Variants in ARFGEF2 observed in about 807,000 individuals in gnomAD.
The protein encoded by ARFGEF2 is ARF guanine nucleotide exchange factor 2.
Under a neutral mutation model 219.9 loss-of-function variants are expected in ARFGEF2, and 74 were observed. That is an observed-to-expected ratio of 0.34 (90% CI 0.28 to 0.41). ARFGEF2 has a LOEUF of 0.41. Among genes scored for constraint, ARFGEF2 ranks in the 10% least tolerant of loss-of-function variants. The probability of loss-of-function intolerance (pLI) is 1.00; values close to 1 mark genes in which losing one functional copy is unlikely to be tolerated. For synonymous variants in ARFGEF2, 733 were observed against 799.2 expected (o/e 0.92, Z 1.40); for missense variants, 1,743 against 2,218.3 (o/e 0.79, Z 4.30).
chr20:48,989,329 A>G lies in ARFGEF2; in HGVS notation c.2578A>G (p.Met860Val), dbSNP rs1166766265. 1.9e-6 allele frequency: 3 copies of G among 1,614,180 alleles called. No individual in the cohort carries two copies. The highest frequency in any genetic ancestry group is 2.2e-5 in the East Asian group (1 of 44,884). The change falls in exon 19 of 39, where the codon ATG becomes GTG. Residue 860 changes from methionine (M) to valine (V), a missense_variant. Transcript: ENST00000371917. Reference sequence around the variant, plus strand: ...GCGGCGGCTGCTGTACAACTTAGAGATGGAGCAAATGGCTAAAACAGCCAA... The same window carrying G: ...GCGGCGGCTGCTGTACAACTTAGAGGTGGAGCAAATGGCTAAAACAGCCAA... The part of the protein sequence containing the change: ...KQRRLLYNLE[M>V]EQMAKTAKAL...
chr20:48,969,335 C>T, intron 9 of ARFGEF2, 58 bp downstream of exon 9: 1 of 1,613,088 alleles, frequency 6.2e-7, no homozygotes, highest in Non-Finnish European at 8.5e-7. Context: ...GCACATGGTA[C>T]TGTGTTTCAC....
At chr20:48,988,070 G>T (rs960961842) in intron 16 of ARFGEF2, among the ~76,000 whole-genome samples, 4 of 152,190 alleles carry the variant, frequency 2.6e-5, no homozygotes, top group African/African-American at 9.7e-5. Flanking sequence ...TTACAGGCCT[G>T]AGCCACCACG....
chr20:48,989,463 A>T (rs1234104413), intron 19 of ARFGEF2, 27 bp downstream of exon 19: 1 of 1,614,120 alleles, frequency 6.2e-7, no homozygotes, highest in African/African-American at 1.3e-5. Flanking sequence ...CTTAGCAAGC[A>T]TGTGGCTAAG....
intron 4 of ARFGEF2, among the ~76,000 whole-genome samples, chr20:48,952,277 T>G (rs1216677932): frequency 1.3e-5 from 2 of 148,192 alleles, no homozygotes; most frequent in African/African-American, 5.0e-5. Context: ...TTCCTCATCC[T>G]CCCGAGTAGC....
intron 26 of ARFGEF2, among the ~76,000 whole-genome samples, chr20:49,005,868 C>T (rs1639106064): frequency 6.6e-6 from 1 of 152,056 alleles, no homozygotes; most frequent in Non-Finnish European, 1.5e-5. Flanking sequence ...TGACCCATCA[C>T]TTCTCCCCCA....
chr20:48,952,499 T>C (rs1472286743), intron 4 of ARFGEF2, among the ~76,000 whole-genome samples: 1 of 152,226 alleles, frequency 6.6e-6, no homozygotes, highest in Non-Finnish European at 1.5e-5. Context: ...TTCATAGAAC[T>C]GTTCATTGTT....
chr20:48,994,695 C>T (rs1488118552), intron 22 of ARFGEF2, 97 bp downstream of exon 22: 1 of 1,538,348 alleles, frequency 6.5e-7, no homozygotes, highest in Non-Finnish European at 8.8e-7. Context: ...TAAACCGTCT[C>T]TTCCTTTTGT....
Position 48,922,009 on chromosome 20 carries a change from C to T in ARFGEF2, c.120C>T (p.Leu40=), listed in dbSNP as rs1368417576. The T allele has an allele frequency of 1.9e-6, 3 of 1,577,206 alleles. No individual in the cohort carries two copies. The highest frequency in any genetic ancestry group is 3.7e-5 in the Admixed American group (2 of 54,728). ...SQLRRACQVA[L]DEIKAEIEKQ... Reference sequence around the variant, plus strand: ...TGCGCAGGGCCTGCCAGGTGGCGCTCGGTGGGTGAGCCGCTCCCGCCCTGC... The same window carrying T: ...TGCGCAGGGCCTGCCAGGTGGCGCTTGGTGGGTGAGCCGCTCCCGCCCTGC... The change falls in exon 1 of 39, where the codon CTC becomes CTT. Residue 40 remains leucine, a splice_region_variant and synonymous_variant. Coordinates refer to ENST00000371917, the MANE Select transcript of ARFGEF2 (RefSeq NM_006420.3).
rs975224677 is a variant in ARFGEF2, at chr20:48,994,489, G to C, written c.3012G>C (p.Leu1004=). Residue 1004 remains leucine, a synonymous_variant, in exon 22 of 39, where the codon CTG becomes CTC. Transcript: ENST00000371917. ...KCISQLELAQ[L]IGTGVKTRYL... ...TCAGCCAGCTGGAGCTCGCTCAGCT[G>C]ATAGGAACCGGTGTGAAGACGCGCT... 10 of 1,613,978 alleles carry C rather than the reference G, an allele frequency of 6.2e-6. No homozygotes were observed. The Admixed American group carries it at 6.7e-5, about 11-fold the overall frequency.
chr20:49,011,795 T>G (rs1391792253), intron 27 of ARFGEF2, 129 bp from the exon 28 acceptor site: 1 of 1,142,400 alleles, frequency 8.8e-7, no homozygotes, highest in East Asian at 2.3e-5. Context: ...ACTGACATGC[T>G]TTTCTTAGAT....
rs1334044282 is a variant in ARFGEF2 at position 48,928,781 on chromosome 20, A to C, written c.121+6771A>C. On this transcript the variant is annotated intron_variant, in intron 1 of 38. Coordinates refer to ENST00000371917, the MANE Select transcript of ARFGEF2 (RefSeq NM_006420.3). ...AGTGCTGGGATTACAGGCGTGAGCC[A>C]CTGCGCCCAGCCGGTGTTGCAGTCT... Among the ~76,000 whole-genome samples the C allele has an allele frequency of 2.0e-5, 3 of 152,264 alleles. No individual in the cohort carries two copies. The East Asian group carries it at 5.8e-4, about 29-fold the overall frequency.
At chr20:48,932,510 C>T (rs34984028) in intron 1 of ARFGEF2, among the ~76,000 whole-genome samples, 54,722 of 151,936 alleles carry the variant, frequency 0.36, 10,723 homozygotes, top group African/African-American at 0.53. Context: ...TAGGCGGAGA[C>T]AGGTGAAAAG....
At chr20:49,013,219 T>C (rs954403210) in intron 28 of ARFGEF2, among the ~76,000 whole-genome samples, 6 of 152,192 alleles carry the variant, frequency 3.9e-5, no homozygotes, top group African/African-American at 1.2e-4. Context: ...GACAGTAACA[T>C]TCCAGAAAGA....
chr20:48,982,124 C>A (rs8125219), intron 14 of ARFGEF2, among the ~76,000 whole-genome samples: 32,050 of 152,130 alleles, frequency 0.21, 3,524 homozygotes, highest in Non-Finnish European at 0.24. Flanking sequence ...GTGGTTTTAT[C>A]TATCTTTGGT....
chr20:49,017,670 A>T (rs2091539506), intron 33 of ARFGEF2, 120 bp downstream of exon 33: 10 of 941,950 alleles, frequency 1.1e-5, no homozygotes, highest in Non-Finnish European at 1.5e-5. Context: ...AAGATCTAAA[A>T]ATAGTATATA....
chr20:48,922,358 C>T (rs1429160660), intron 1 of ARFGEF2, among the ~76,000 whole-genome samples: 6 of 152,192 alleles, frequency 3.9e-5, no homozygotes, highest in African/African-American at 1.4e-4. Flanking sequence ...TACCTGAGCT[C>T]TGCTGATTGG....
intron 27 of ARFGEF2, among the ~76,000 whole-genome samples, chr20:49,011,618 T>A (rs1472406661): frequency 6.6e-6 from 1 of 152,196 alleles, no homozygotes; most frequent in Non-Finnish European, 1.5e-5. Context: ...CTATGGAAAT[T>A]TTTAGGCATC....
intron 6 of ARFGEF2, among the ~76,000 whole-genome samples, chr20:48,960,155 T>C (rs2091137719): frequency 6.6e-6 from 1 of 152,190 alleles, no homozygotes; most frequent in Non-Finnish European, 1.5e-5. Context: ...CTACATACCA[T>C]ATGTATAGCT....
intron 6 of ARFGEF2, among the ~76,000 whole-genome samples, chr20:48,954,460 T>C (rs1230992655): frequency 2.0e-5 from 3 of 152,220 alleles, no homozygotes; most frequent in African/African-American, 7.2e-5. Context: ...TTGGTATTTT[T>C]TCAGGAATTT....
Sources: gnomAD v4.1 joint callset for allele counts (sites outside exome capture counted in the v4.1 genomes callset) on GRCh38, gnomAD v4.1.1 for gene constraint, MANE v1.5 for transcripts, NCBI Gene and HGNC (gene_info 2026-07-23, HGNC 2026-07-21) for gene names.